Variants in DNAH12 observed in about 807,000 individuals in gnomAD.
DNAH12 encodes the protein dynein axonemal heavy chain 12, also known as axonemal beta dynein heavy chain 12.
A neutral mutation model predicts 371.5 loss-of-function variants in DNAH12; 285 were observed. The ratio of observed to expected loss-of-function variants is 0.77; its 90% CI spans 0.70 to 0.85. The LOEUF (loss-of-function observed/expected upper bound fraction) is 0.85, where lower values mean the gene tolerates loss of function less well. DNAH12 is among the 40% of genes least tolerant of loss of function. The pLI is 0.00. For synonymous variants in DNAH12, 1,200 were observed against 1,213.0 expected (o/e 0.99, Z 0.22); for missense variants, 3,611 against 3,689.4 (o/e 0.98, Z 0.55).
intron 45 of DNAH12, among the ~76,000 whole-genome samples, chr3:57,388,481 G>A (rs2063540687): frequency 6.6e-6 from 1 of 151,606 alleles, no homozygotes; most frequent in South Asian, 2.1e-4. Flanking sequence ...TCTAGCCTAA[G>A]CACATACTGC....
chr3:57,333,924 A>T (rs2062164629), intron 62 of DNAH12, among the ~76,000 whole-genome samples: 1 of 152,240 alleles, frequency 6.6e-6, no homozygotes. Context: ...AGTAGTCACT[A>T]ATTTTAAAAC....
chr3:57,546,483 A>G (rs988314100), upstream of DNAH12, among the ~76,000 whole-genome samples: 1 of 152,130 alleles, frequency 6.6e-6, no homozygotes, highest in Non-Finnish European at 1.5e-5. Flanking sequence ...CTGGGACTAC[A>G]GGCACACACC....
intron 58 of DNAH12, among the ~76,000 whole-genome samples, chr3:57,360,292 A>C (rs2153327563): frequency 6.6e-6 from 1 of 152,070 alleles, no homozygotes; most frequent in Admixed American, 6.5e-5. Flanking sequence ...AACCCAAAAC[A>C]AAACAAAGCA....
intron 2 of DNAH12, among the ~76,000 whole-genome samples, chr3:57,534,772 G>A (rs546275559): frequency 2.6e-5 from 4 of 152,302 alleles, no homozygotes; most frequent in South Asian, 4.1e-4. Context: ...GCCTCCCAAA[G>A]TGCTGGGATT....
chr3:57,348,112 C>T (rs1433746876), intron 60 of DNAH12, among the ~76,000 whole-genome samples: 1 of 152,128 alleles, frequency 6.6e-6, no homozygotes, highest in East Asian at 1.9e-4. Flanking sequence ...TTAGAAGCAA[C>T]TAAGATGTCC....
chr3:57,470,562 T>C lies in DNAH12; in HGVS notation c.1986A>G (p.Glu662=), dbSNP rs764981945. 5.8e-6 allele frequency: 9 copies of C among 1,550,460 alleles called. No individual in the cohort carries two copies. The highest frequency in any genetic ancestry group is 1.2e-5 in the South Asian group (1 of 83,532). ...TCAATTCCCACTTGAAAAGTTCCTC[T>C]TCTTTATTAATAAACTGCACTGCTT... ...SEEAVQFINK[E]EELFKWELTK... Residue 662 remains glutamate, a synonymous_variant, in exon 16 of 74, where the codon GAA becomes GAG. Transcript: ENST00000495027.
intron 60 of DNAH12, among the ~76,000 whole-genome samples, chr3:57,336,903 A>T (rs1236275767): frequency 6.6e-6 from 1 of 152,208 alleles, no homozygotes; most frequent in Non-Finnish European, 1.5e-5. Context: ...AGCTCAGGTT[A>T]TTATCAATAA....
At chr3:57,358,278 T>C (rs1575498965) in intron 58 of DNAH12, among the ~76,000 whole-genome samples, 2 of 152,180 alleles carry the variant, frequency 1.3e-5, no homozygotes, top group African/African-American at 4.8e-5. Context: ...AGTGGGACTT[T>C]TTCTACATGT....
chr3:57,308,701 G>A (rs376910551), intron 69 of DNAH12, among the ~76,000 whole-genome samples: 9 of 152,006 alleles, frequency 5.9e-5, no homozygotes, highest in East Asian at 1.9e-4. Flanking sequence ...TCCCCAAACC[G>A]CCACTCTTAA....
At chr3:57,554,145 G>T in the DNAH12 span, among the ~76,000 whole-genome samples, 1 of 137,936 alleles carries the variant, frequency 7.2e-6, no homozygotes, top group Non-Finnish European at 1.5e-5. Flanking sequence ...AAATTAGCCA[G>T]ACATGGCAGT....
intron 39 of DNAH12, among the ~76,000 whole-genome samples, chr3:57,411,161 TAA>T (rs1318516443): frequency 2.0e-5 from 3 of 152,252 alleles, no homozygotes; most frequent in Admixed American, 6.5e-5. Flanking sequence ...AGCAAGCTTG[TAA>T]AGAGTTACCA....
At chr3:57,458,035 A>T (rs1047994326) in intron 21 of DNAH12, 32 bp from the exon 22 acceptor site, 1 of 1,540,960 alleles carries the variant, frequency 6.5e-7, no homozygotes, top group South Asian at 1.2e-5. Context: ...CAAAAGTTTT[A>T]GTTATAATTC....
intron 48 of DNAH12, 135 bp from the exon 49 acceptor site, chr3:57,385,140 T>C (rs2063475894): frequency 6.6e-6 from 1 of 151,296 alleles, no homozygotes; most frequent in Non-Finnish European, 1.5e-5. Context: ...AAAATGAGGA[T>C]ATACAAATAC....
chr3:57,446,620 T>TGG lies in DNAH12; in HGVS notation c.3854_3855dup (p.Thr1286ProfsTer22). ...GCAAGAGCTTTAGCCAAGTCCTTGG[T>TGG]GGTTTCGGTTTTTCCTGTGCCTGCT... On this transcript the variant is annotated frameshift_variant, in exon 26 of 74. Coordinates refer to ENST00000495027, the MANE Select transcript of DNAH12 (RefSeq NM_001366028.2). LOFTEE classifies it high-confidence loss of function. 1 of 1,550,178 alleles carries TGG rather than the reference T, an allele frequency of 6.5e-7. No individual in the cohort carries two copies. The highest frequency in any genetic ancestry group is 1.7e-4 in the Middle Eastern group (1 of 5,986).
chr3:57,526,955 C>T (rs141602488), intron 2 of DNAH12, among the ~76,000 whole-genome samples: 3,536 of 152,088 alleles, frequency 0.023, 129 homozygotes, highest in African/African-American at 0.078. Flanking sequence ...CTGCCTCAGC[C>T]TCCTGAGTAG....
the DNAH12 span, among the ~76,000 whole-genome samples, chr3:57,549,517 T>C: frequency 6.6e-6 from 1 of 151,998 alleles, no homozygotes; most frequent in Non-Finnish European, 1.5e-5. Flanking sequence ...ACCCAAAAAA[T>C]TTTTTTAAAA....
At chr3:57,383,161 T>C (rs2063431123) in intron 49 of DNAH12, among the ~76,000 whole-genome samples, 1 of 152,214 alleles carries the variant, frequency 6.6e-6, no homozygotes, top group Non-Finnish European at 1.5e-5. Context: ...TTGTGAGTCA[T>C]TCCTGGAAGC....
intron 62 of DNAH12, among the ~76,000 whole-genome samples, chr3:57,329,519 C>T (rs1185870962): frequency 7.4e-6 from 1 of 134,492 alleles, no homozygotes; most frequent in South Asian, 2.6e-4. Context: ...ATGTAGAAAG[C>T]TGAAACTGGA....
At chr3:57,402,065 T>C (rs1474173013) in intron 43 of DNAH12, among the ~76,000 whole-genome samples, 1 of 152,214 alleles carries the variant, frequency 6.6e-6, no homozygotes, top group Non-Finnish European at 1.5e-5. Context: ...GATTTCTAAA[T>C]TTGTAGTTAA....
Sources: gnomAD v4.1 joint callset for allele counts (sites outside exome capture counted in the v4.1 genomes callset) on GRCh38, gnomAD v4.1.1 for gene constraint, MANE v1.5 for transcripts, NCBI Gene and HGNC (gene_info 2026-07-23, HGNC 2026-07-21) for gene names.